The following ACACB variants were observed in gnomAD, a reference collection of about 807,000 sequenced individuals.
ACACB encodes the protein acetyl-CoA carboxylase beta.
ACACB carries 209 observed loss-of-function variants against 278.8 expected under a neutral mutation model. The observed-to-expected ratio is 0.75, with a 90% CI of 0.67 to 0.84. The LOEUF (loss-of-function observed/expected upper bound fraction) is 0.84. ACACB is among the 40% of genes least tolerant of loss of function. ACACB has a pLI of 0.00. For synonymous variants in ACACB, 1,174 were observed against 1,285.6 expected (o/e 0.91, Z 1.86); for missense variants, 2,850 against 3,269.0 (o/e 0.87, Z 3.13).
chr12:109,187,990 G>T lies in ACACB; in HGVS notation c.1981-9G>T, dbSNP rs375217047. ...TTCTTCCATTTTGCATTTTCTGTCCGGACTCCAGGGTTTTAAGCCGAGCTC... is the reference window on the plus strand; with the variant it reads ...TTCTTCCATTTTGCATTTTCTGTCCTGACTCCAGGGTTTTAAGCCGAGCTC... On this transcript the variant is annotated splice_polypyrimidine_tract_variant and intron_variant, in intron 12 of 52. Transcript: ENST00000338432. 8 of 1,583,378 alleles carry T rather than the reference G, an allele frequency of 5.1e-6. No homozygotes were observed. Among genetic ancestry groups the T allele is most frequent in the Admixed American group, 1.7e-5 (1 of 58,046 alleles).
chr12:109,260,076 A>T, intron 47 of ACACB: 1 of 1,358,464 alleles, frequency 7.4e-7, no homozygotes. Context: ...GTGCCTGGGG[A>T]CCTGGAGAGA....
At chr12:109,257,749 T>C (rs1177916898) in intron 45 of ACACB, among the ~76,000 whole-genome samples, 1 of 152,118 alleles carries the variant, frequency 6.6e-6, no homozygotes, top group Non-Finnish European at 1.5e-5. Flanking sequence ...TTTTTTATTT[T>C]TTGCAGATAC....
At chr12:109,237,026 T>A (rs747167500) in intron 33 of ACACB, 139 bp from the exon 34 acceptor site, 23 of 807,748 alleles carry the variant, frequency 2.8e-5, no homozygotes, top group Non-Finnish European at 4.8e-5. Flanking sequence ...TTAGGGAACA[T>A]CATGAATGCT....
intron 2 of ACACB, among the ~76,000 whole-genome samples, chr12:109,140,890 C>CTTT (rs386377714): frequency 0.058 from 5,021 of 86,460 alleles, 467 homozygotes; most frequent in East Asian, 0.31. Context: ...TTCATTCATT[C>CTTT]TTTTTTTTTT....
intron 24 of ACACB, among the ~76,000 whole-genome samples, chr12:109,217,659 G>C (rs555358049): frequency 6.6e-6 from 1 of 152,148 alleles, no homozygotes; most frequent in Admixed American, 6.5e-5. Context: ...AATTAGCCAG[G>C]TGTGGTGGTG....
chr12:109,252,262 T>G (rs1358141355), intron 42 of ACACB, 106 bp downstream of exon 42: 4 of 714,970 alleles, frequency 5.6e-6, no homozygotes, highest in Non-Finnish European at 8.9e-6. Flanking sequence ...GAAGCCAGTT[T>G]CATTCCTACT....
intron 4 of ACACB, among the ~76,000 whole-genome samples, chr12:109,169,519 C>A (rs1484191091): frequency 2.6e-5 from 4 of 152,166 alleles, no homozygotes; most frequent in African/African-American, 4.8e-5. Context: ...CCCCTCCTGG[C>A]TCCATCTTGA....
intron 24 of ACACB, among the ~76,000 whole-genome samples, chr12:109,218,546 T>G (rs1463087831): frequency 9.2e-5 from 14 of 151,838 alleles, no homozygotes; most frequent in African/African-American, 3.4e-4. Context: ...CTTTTATAAC[T>G]AAAAATATTT....
chr12:109,197,264 G>A, intron 17 of ACACB, 111 bp downstream of exon 17: 2 of 1,377,862 alleles, frequency 1.5e-6, no homozygotes, highest in South Asian at 1.5e-5. Context: ...TAGAGAAGGT[G>A]CCTTTCTGGT....
At chr12:109,234,172 C>A in intron 31 of ACACB, 127 bp downstream of exon 31, 1 of 768,200 alleles carries the variant, frequency 1.3e-6, no homozygotes, top group African/African-American at 1.7e-5. Flanking sequence ...TGGCTTCCCA[C>A]TCTAGCTCTG....
In ACACB at chr12:109,212,909, C is replaced by A; in HGVS notation, c.3323C>A (p.Thr1108Asn). 1 of 1,614,138 alleles carries A rather than the reference C, an allele frequency of 6.2e-7. No individual in the cohort carries two copies. Among genetic ancestry groups the A allele is most frequent in the Non-Finnish European group, 8.5e-7 (1 of 1,179,990 alleles). Reference protein sequence around the residue: ...KADREVFFINTQSIVQLVQRY... With the variant: ...KADREVFFINNQSIVQLVQRY... ...GATCGAGAGGTCTTCTTCATCAACACCCAGAGCATCGTGCAGTTGGTCCAG... is the reference window on the plus strand; with the variant it reads ...GATCGAGAGGTCTTCTTCATCAACAACCAGAGCATCGTGCAGTTGGTCCAG... The change falls in exon 22 of 53, where the codon ACC (threonine) becomes AAC (asparagine). Residue 1108 changes from threonine to asparagine, a missense_variant. Transcript: ENST00000338432.
At chr12:109,261,939 A>G (rs9788203) in intron 48 of ACACB, among the ~76,000 whole-genome samples, 3,159 of 151,782 alleles carry the variant, frequency 0.021, 54 homozygotes, top group Middle Eastern at 0.044. Context: ...GACAGCTCAC[A>G]CAAGACTACA....
intron 31 of ACACB, 52 bp from the exon 32 acceptor site, chr12:109,235,261 G>C: frequency 2.0e-6 from 3 of 1,515,956 alleles, no homozygotes; most frequent in Non-Finnish European, 2.7e-6. Context: ...CAATACTTCA[G>C]TTCCTTTTAC....
At chr12:109,217,671 G>A (rs1324194578) in intron 24 of ACACB, among the ~76,000 whole-genome samples, 1 of 151,904 alleles carries the variant, frequency 6.6e-6, no homozygotes, top group African/African-American at 2.4e-5. Flanking sequence ...GTGGTGGTGT[G>A]CACCTGTAGT....
At position 109,219,594 on chromosome 12, in the gene ACACB, G is replaced by A. The variant is rs897581782; in HGVS notation, c.3564+2674G>A. Among the ~76,000 whole-genome samples, 4 of 152,170 alleles carry A rather than the reference G, an allele frequency of 2.6e-5. 1 individual carries two copies. Among genetic ancestry groups the A allele is most frequent in the African/African-American group, 4.8e-5 (2 of 41,434 alleles). ...GTGTTTTAATGGTTCTGTAGTAGGTGGAAGGGAGATATGTGCGAAAATAGT... is the reference window on the plus strand; with the variant it reads ...GTGTTTTAATGGTTCTGTAGTAGGTAGAAGGGAGATATGTGCGAAAATAGT... On this transcript the variant is annotated intron_variant, in intron 24 of 52. Coordinates refer to ENST00000338432, the MANE Select transcript of ACACB (RefSeq NM_001093.4).
chr12:109,258,838 C>T, intron 46 of ACACB, 135 bp from the exon 47 acceptor site: 1 of 1,183,000 alleles, frequency 8.5e-7, no homozygotes, highest in South Asian at 1.5e-5. Context: ...TTCCATCCTT[C>T]TGAGCCCTGG....
chr12:109,158,229 ACT>A (rs1164526041), intron 2 of ACACB, among the ~76,000 whole-genome samples: 1 of 151,908 alleles, frequency 6.6e-6, no homozygotes, highest in East Asian at 1.9e-4. Flanking sequence ...TAACTACTCA[ACT>A]CTGCTGTTTC....
chr12:109,256,530 C>G (rs1028135374), intron 45 of ACACB, among the ~76,000 whole-genome samples: 17 of 152,200 alleles, frequency 1.1e-4, no homozygotes, highest in African/African-American at 4.1e-4. Context: ...GAAAACTTCA[C>G]AGACACTGGC....
At chr12:109,119,899 GAA>G (rs199929608) in intron 1 of ACACB, among the ~76,000 whole-genome samples, 1 of 141,196 alleles carries the variant, frequency 7.1e-6, no homozygotes, top group South Asian at 2.2e-4. Flanking sequence ...CATCTCAGAA[GAA>G]AAAAAAAAAG....
Sources: allele counts gnomAD v4.1 joint callset (sites outside exome capture counted in the v4.1 genomes callset), GRCh38; gene constraint gnomAD v4.1.1; transcripts MANE v1.5; gene names NCBI Gene and HGNC (gene_info 2026-07-23, HGNC 2026-07-21).